The following POF1B variants were observed in gnomAD, a reference collection of about 807,000 sequenced individuals.
The protein encoded by POF1B is protein POF1B.
A neutral mutation model predicts 55.3 loss-of-function variants in POF1B; 53 were observed. The observed-to-expected ratio is 0.96, with a 90% CI of 0.77 to 1.20. The LOEUF (loss-of-function observed/expected upper bound fraction) is 1.20. Ranked by LOEUF, POF1B falls within the 50% of genes most tolerant of loss-of-function variation. The pLI is 0.00. For missense variants in POF1B, 478 were observed against 420.5 expected, an observed-to-expected ratio of 1.14 and a Z score of -1.20; for synonymous variants, 188 against 148.3, an observed-to-expected ratio of 1.27 and a Z score of -1.95.
In POF1B at chrX:85,379,340, C is replaced by CT; in HGVS notation, c.114dup (p.Ala39SerfsTer12). 8.3e-7 allele frequency: 1 copy of CT among 1,209,962 alleles called. No individual in the cohort carries two copies. Among genetic ancestry groups the CT allele is most frequent in the Non-Finnish European group, 1.1e-6 (1 of 895,056 alleles). On this transcript the variant is annotated frameshift_variant, in exon 2 of 17. Coordinates refer to ENST00000262753, the MANE Select transcript of POF1B (RefSeq NM_024921.4). LOFTEE classifies it high-confidence loss of function. ...ACATTTTTTTCTGGAGGCTGCTGGG[C>CT]TTGGCTTGACTGATGGTAGCAGTGG...
chrX:85,342,075 A>C (rs1000297468), intron 6 of POF1B, among the ~76,000 whole-genome samples: 6 of 111,453 alleles, frequency 5.4e-5, no homozygotes, highest in African/African-American at 1.3e-4. Flanking sequence ...GTTCCCTGTC[A>C]TCAACAGGTG....
intron 4 of POF1B, among the ~76,000 whole-genome samples, chrX:85,353,613 G>T (rs1172007135): frequency 1.8e-5 from 2 of 111,008 alleles, no homozygotes; most frequent in Non-Finnish European, 3.8e-5. Flanking sequence ...ACAAATGATT[G>T]CAAATAGCTC....
At position 85,308,219 on chromosome X, in the gene POF1B, G is replaced by A; in HGVS notation, c.958-3C>T. ...GACTTATCAGACATACCCCTCATCT[G>A]CAGGAAGAAAGGATTAATGGTTTAG... is the stretch of plus-strand genomic sequence containing the variant. On this transcript the variant is annotated splice_polypyrimidine_tract_variant and splice_region_variant and intron_variant, in intron 9 of 16. Coordinates refer to ENST00000262753, the MANE Select transcript of POF1B (RefSeq NM_024921.4). 1 of 1,118,396 alleles carries A rather than the reference G, an allele frequency of 8.9e-7. No homozygotes were observed. The highest frequency in any genetic ancestry group is 1.2e-6 in the Non-Finnish European group (1 of 834,530). The allele number at this position is 1,118,396 out of a possible 1,213,427, so 92.2% of individuals were successfully genotyped here.
chrX:85,338,577 C>T (rs1191534298), intron 6 of POF1B, among the ~76,000 whole-genome samples: 4 of 111,767 alleles, frequency 3.6e-5, no homozygotes, highest in Non-Finnish European at 7.5e-5. Flanking sequence ...TTTTCTTGTA[C>T]TACAAAGTGA....
At chrX:85,378,569 A>G (rs1033552135) in intron 2 of POF1B, among the ~76,000 whole-genome samples, 1 of 111,663 alleles carries the variant, frequency 9.0e-6, no homozygotes, top group African/African-American at 3.3e-5. Context: ...CCTCAATCCT[A>G]TATCAACTCT....
chrX:85,360,132 A>T (rs920969150), intron 3 of POF1B, among the ~76,000 whole-genome samples: 16 of 109,120 alleles, frequency 1.5e-4, no homozygotes, highest in African/African-American at 4.7e-4. Context: ...ATGTAGATTT[A>T]TTTATTATTT....
intron 7 of POF1B, among the ~76,000 whole-genome samples, chrX:85,316,884 C>A (rs941057022): frequency 9.0e-6 from 1 of 110,538 alleles, no homozygotes; most frequent in African/African-American, 3.3e-5. Flanking sequence ...CCACCCTCCA[C>A]CCTCAAGTAG....
intron 7 of POF1B, among the ~76,000 whole-genome samples, chrX:85,329,098 C>A (rs1460889017): frequency 8.9e-6 from 1 of 111,782 alleles, no homozygotes; most frequent in Non-Finnish European, 1.9e-5. Context: ...CTGAATCCAT[C>A]TCAGGCACTT....
At chrX:85,326,856 C>T (rs1258843943) in intron 7 of POF1B, among the ~76,000 whole-genome samples, 1 of 109,759 alleles carries the variant, frequency 9.1e-6, no homozygotes, top group Admixed American at 9.6e-5. Flanking sequence ...AATGAGGGCT[C>T]CCAGGAGGCA....
At chrX:85,345,049 T>C in intron 6 of POF1B, among the ~76,000 whole-genome samples, 1 of 111,845 alleles carries the variant, frequency 8.9e-6, no homozygotes, top group Non-Finnish European at 1.9e-5. Flanking sequence ...TATAAAATAA[T>C]CAAATTCTTA....
At chrX:85,329,223 CAT>C (rs1932938110) in intron 7 of POF1B, among the ~76,000 whole-genome samples, 1 of 111,477 alleles carries the variant, frequency 9.0e-6, no homozygotes, top group African/African-American at 3.3e-5. Flanking sequence ...GGATGCTTAA[CAT>C]ATAGCTGATT....
rs1933743514 is a variant in POF1B, at chrX:85,367,428, G to A, written c.357+264C>T. Among the ~76,000 whole-genome samples, 3 of 111,736 alleles carry A rather than the reference G, an allele frequency of 2.7e-5. No homozygotes were observed. The South Asian group carries it at 1.1e-3, about 41-fold the overall frequency. ...TAGCTATTTCATCCATACTCACTTG[G>A]CTAAATTAAACTGCACTCAAACTAA... On this transcript the variant is annotated intron_variant, in intron 3 of 16. Transcript: ENST00000262753.
chrX:85,302,240 A>C (rs1181040772), intron 15 of POF1B, among the ~76,000 whole-genome samples: 1 of 111,615 alleles, frequency 9.0e-6, no homozygotes, highest in Admixed American at 9.5e-5. Flanking sequence ...ATCTCTTGCA[A>C]TTCAACTATA....
intron 15 of POF1B, among the ~76,000 whole-genome samples, chrX:85,298,218 C>T: frequency 8.9e-6 from 1 of 112,288 alleles, no homozygotes; most frequent in Admixed American, 9.4e-5. Context: ...ACATGCAGAA[C>T]AGATGTGTCC....
At chrX:85,361,207 C>A (rs765618692) in intron 3 of POF1B, among the ~76,000 whole-genome samples, 1 of 111,807 alleles carries the variant, frequency 8.9e-6, no homozygotes, top group Non-Finnish European at 1.9e-5. Context: ...TTTCCTTTAA[C>A]GTGCAGAAGC....
intron 6 of POF1B, among the ~76,000 whole-genome samples, chrX:85,341,230 A>G (rs1427090689): frequency 9.0e-6 from 1 of 111,156 alleles, no homozygotes; most frequent in Non-Finnish European, 1.9e-5. Context: ...AGCTTTATAT[A>G]TAGCTATTTA....
rs768277389 is a variant in POF1B at position 85,379,422 on chromosome X, G to A, written c.33C>T (p.Ser11=). 1.7e-6 allele frequency: 2 copies of A among 1,209,488 alleles called. No individual in the cohort carries two copies. The highest frequency in any genetic ancestry group is 2.2e-5 in the Admixed American group (1 of 45,861). MSSSYWSETS[S]SSCGTQQLPE... is the part of the protein sequence containing the mutation. ...GGAGCTGCTGGGTTCCACAGCTGCT[G>A]CTGCTCGTCTCACTCCAATAGCTCG... Residue 11 remains serine, a synonymous_variant, in exon 2 of 17, where the codon AGC becomes AGT. Coordinates refer to ENST00000262753, the MANE Select transcript of POF1B (RefSeq NM_024921.4).
At chrX:85,315,642 T>C (rs1932780731) in intron 8 of POF1B, 65 bp downstream of exon 8, 13 of 960,618 alleles carry the variant, frequency 1.4e-5, no homozygotes, top group Non-Finnish European at 1.8e-5. Flanking sequence ...AATATTATTA[T>C]TGCAAATATC....
At chrX:85,303,008 T>C (rs1932492769) in intron 15 of POF1B, among the ~76,000 whole-genome samples, 1 of 111,463 alleles carries the variant, frequency 9.0e-6, no homozygotes, top group Non-Finnish European at 1.9e-5. Context: ...AGCCAAGATA[T>C]AAAGAAAGAC....
Sources: gnomAD v4.1 joint callset for allele counts (sites outside exome capture counted in the v4.1 genomes callset) on GRCh38, gnomAD v4.1.1 for gene constraint, MANE v1.5 for transcripts, NCBI Gene and HGNC (gene_info 2026-07-23, HGNC 2026-07-21) for gene names.